Variants in SNX3 observed in about 807,000 individuals in gnomAD.
SNX3 encodes sorting nexin-3.
SNX3 carries 5 observed loss-of-function variants against 17.7 expected under a neutral mutation model. The ratio of observed to expected loss-of-function variants is 0.28; its 90% CI spans 0.15 to 0.59. The LOEUF is 0.59. Among genes scored for constraint, SNX3 ranks in the 20% least tolerant of loss-of-function variants. The pLI, the probability that SNX3 is intolerant of heterozygous loss-of-function variation, is 0.88. For missense variants in SNX3, 132 were observed against 206.8 expected (o/e 0.64, Z 2.22); for synonymous variants, 91 against 76.5 (o/e 1.19, Z -0.99).
chr6:108,243,501 G>T (rs1282000928), intron 1 of SNX3, among the ~76,000 whole-genome samples: 1 of 152,304 alleles, frequency 6.6e-6, no homozygotes, highest in East Asian at 1.9e-4. Context: ...TCATGCTCAT[G>T]TGTGTGACAT....
chr6:108,250,659 C>A (rs1775825591), intron 1 of SNX3, among the ~76,000 whole-genome samples: 1 of 152,152 alleles, frequency 6.6e-6, no homozygotes, highest in Non-Finnish European at 1.5e-5. Context: ...AGACCAGACA[C>A]AAGGAGGGGC....
intron 1 of SNX3, among the ~76,000 whole-genome samples, chr6:108,238,690 C>T (rs562856024): frequency 9.9e-5 from 15 of 152,212 alleles, no homozygotes; most frequent in African/African-American, 2.6e-4. Flanking sequence ...CTTATTTTTC[C>T]GCTCACCTAA....
At chr6:108,223,184 G>A (rs1774860339) in intron 1 of SNX3, 139 bp from the exon 2 acceptor site, 1 of 594,716 alleles carries the variant, frequency 1.7e-6, no homozygotes, top group Admixed American at 3.1e-5. Context: ...TGTTGCCTAG[G>A]CTGGAGTGCA....
At chr6:108,258,302 A>T (rs1383868713) in intron 1 of SNX3, among the ~76,000 whole-genome samples, 6 of 151,692 alleles carry the variant, frequency 4.0e-5, no homozygotes, top group Non-Finnish European at 8.8e-5. Context: ...TACTAAAAAT[A>T]CAAAAATTAG....
chr6:108,219,536 A>C (rs1341590479), intron 2 of SNX3, among the ~76,000 whole-genome samples: 1 of 152,242 alleles, frequency 6.6e-6, no homozygotes. Context: ...TGAGACCAGG[A>C]GTTGGAGGAT....
At chr6:108,250,207 G>A (rs565516770) in intron 1 of SNX3, among the ~76,000 whole-genome samples, 308 of 152,146 alleles carry the variant, frequency 2.0e-3, no homozygotes, top group African/African-American at 7.1e-3. Flanking sequence ...CACCATGCCC[G>A]GCCTCATGTT....
chr6:108,222,559 TG>T (rs1774827473), intron 2 of SNX3, among the ~76,000 whole-genome samples: 1 of 152,106 alleles, frequency 6.6e-6, no homozygotes, highest in African/African-American at 2.4e-5. Flanking sequence ...ATATATGTGA[TG>T]AAAAAAACTT....
Position 108,249,789 on chromosome 6 carries a change from CCAA to C in SNX3, c.162+10968_162+10970del, listed in dbSNP as rs528362039. The stretch of plus-strand genomic sequence containing the variant: ...TGGTATCTAATATTTCATTCACCAC[CCAA>C]CAATAGGGTTATGCATTAAGATCTT... On this transcript the variant is annotated intron_variant, in intron 1 of 3. Transcript: ENST00000230085. Among the ~76,000 whole-genome samples the C allele has an allele frequency of 3.8e-3, 576 of 152,246 alleles. 6 individuals are homozygous for C. Among genetic ancestry groups the C allele is most frequent in the African/African-American group, 0.013 (553 of 41,526 alleles).
intron 1 of SNX3, chr6:108,252,200 G>A (rs1263295530): frequency 6.6e-6 from 1 of 152,336 alleles, no homozygotes; most frequent in East Asian, 1.9e-4. Context: ...TCTAAGGAAG[G>A]GATGGCAGGC....
intron 3 of SNX3, among the ~76,000 whole-genome samples, chr6:108,214,070 T>A (rs1274970886): frequency 6.6e-6 from 1 of 152,232 alleles, no homozygotes; most frequent in Non-Finnish European, 1.5e-5. Flanking sequence ...GAATACATTT[T>A]ACCATGAAAA....
chr6:108,242,149 G>A (rs573576469), intron 1 of SNX3, among the ~76,000 whole-genome samples: 34 of 152,168 alleles, frequency 2.2e-4, no homozygotes, highest in African/African-American at 8.2e-4. Flanking sequence ...ATTCTGAAAA[G>A]CAGAAAGAAA....
intron 1 of SNX3, among the ~76,000 whole-genome samples, chr6:108,235,759 G>A (rs1775309784): frequency 6.6e-6 from 1 of 152,144 alleles, no homozygotes; most frequent in Non-Finnish European, 1.5e-5. Flanking sequence ...AGCCGGGCAT[G>A]GTGGTGCATG....
At chr6:108,254,417 A>G (rs933290016) in intron 1 of SNX3, among the ~76,000 whole-genome samples, 1 of 152,112 alleles carries the variant, frequency 6.6e-6, no homozygotes, top group Admixed American at 6.5e-5. Flanking sequence ...ATGAGCCCAG[A>G]TTGCACCACC....
chr6:108,231,538 A>G (rs1005597969), intron 1 of SNX3, among the ~76,000 whole-genome samples: 1 of 152,202 alleles, frequency 6.6e-6, no homozygotes, highest in Non-Finnish European at 1.5e-5. Flanking sequence ...TGTTGGCAGT[A>G]ATGTTCCTAA....
In SNX3 at chr6:108,212,251, G is replaced by A. The variant is rs748067754; in HGVS notation, c.387C>T (p.Val129=). Reference sequence around the variant, plus strand: ...CGTTCTGTGCCAGAGGATGACCAGCGACCCTGAGAATAAAAAATATAAATT... The same window carrying A: ...CGTTCTGTGCCAGAGGATGACCAGCAACCCTGAGAATAAAAAATATAAATT... ...KQGLEQFINK[V]AGHPLAQNER... The change falls in exon 4 of 4, where the codon GTC becomes GTT. Residue 129 remains valine (V), a synonymous_variant. Coordinates refer to ENST00000230085, the MANE Select transcript of SNX3 (RefSeq NM_003795.6). 10 of 1,596,828 alleles carry A rather than the reference G, an allele frequency of 6.3e-6. No individual in the cohort carries two copies. The Admixed American group carries it at 8.7e-5, about 14-fold the overall frequency.
At chr6:108,232,836 A>G (rs1193091637) in intron 1 of SNX3, among the ~76,000 whole-genome samples, 1 of 152,224 alleles carries the variant, frequency 6.6e-6, no homozygotes, top group Admixed American at 6.5e-5. Context: ...TACTTTTGAT[A>G]CCTGTTTTAC....
Position 108,242,411 on chromosome 6 carries a change from C to T in SNX3, c.162+18349G>A, listed in dbSNP as rs535804296. On this transcript the variant is annotated intron_variant, in intron 1 of 3. Coordinates refer to ENST00000230085, the MANE Select transcript of SNX3 (RefSeq NM_003795.6). Reference sequence around the variant, plus strand: ...CCAAAGAAAAGCAAAATCTTGAATACAGTGGCAAGAGAAATCTACTCATCA... The same window carrying T: ...CCAAAGAAAAGCAAAATCTTGAATATAGTGGCAAGAGAAATCTACTCATCA... Among the ~76,000 whole-genome samples the T allele has an allele frequency of 1.6e-3, 239 of 152,250 alleles. 7 individuals carry two copies. Among genetic ancestry groups the T allele is most frequent in the Middle Eastern group, 3.4e-3 (1 of 294 alleles).
intron 2 of SNX3, among the ~76,000 whole-genome samples, chr6:108,218,021 C>T (rs1242225450): frequency 2.0e-5 from 3 of 152,108 alleles, no homozygotes; most frequent in African/African-American, 4.8e-5. Flanking sequence ...AAAACTTTCA[C>T]ATGGATTTAA....
intron 1 of SNX3, among the ~76,000 whole-genome samples, chr6:108,226,046 CAAAAAAA>C (rs35559458): frequency 4.7e-5 from 3 of 63,230 alleles, no homozygotes; most frequent in Admixed American, 1.7e-4. Flanking sequence ...CCCTCTCTCT[CAAAAAAA>C]AAAAAAAAAA....
Sources: gnomAD v4.1 joint callset for allele counts (sites outside exome capture counted in the v4.1 genomes callset) on GRCh38, gnomAD v4.1.1 for gene constraint, MANE v1.5 for transcripts, NCBI Gene and HGNC (gene_info 2026-07-23, HGNC 2026-07-21) for gene names.